The following KCNQ1OT1 variants were observed in gnomAD, a reference collection of about 807,000 sequenced individuals.
KCNQ1OT1 encodes the protein KCNQ1 opposite strand/antisense transcript 1, also known as KCNQ1 antisense RNA 2 (non-protein coding).
exon 1 of KCNQ1OT1, chr11:2,638,944 C>T (rs569500979): frequency 6.6e-6 from 1 of 152,328 alleles, no homozygotes; most frequent in African/African-American, 2.4e-5. Flanking sequence ...AACTTCTCTT[C>T]TCACTTCATT....
chr11:2,640,500 G>T, exon 1 of KCNQ1OT1: 1 of 397,848 alleles, frequency 2.5e-6, no homozygotes, highest in South Asian at 1.3e-4. Flanking sequence ...TGCCCAGGCT[G>T]GTCTTGAATT....
Position 2,682,916 on chromosome 11 carries a change from G to C in KCNQ1OT1, n.17079C>G, listed in dbSNP as rs1850422901. On this transcript the variant is annotated non_coding_transcript_exon_variant, in exon 1 of 1. Coordinates refer to ENST00000597346, the Ensembl canonical transcript of KCNQ1OT1. This position sits in a 1 kb window ranked among gnomAD's most constrained non-coding sequence, Gnocchi z 5.8. ...CCCAGACAGAAAATGGTGGCACCTGGAGAGGTGCTCAGGTCTGTGTGGAAG... is the reference window on the plus strand; with the variant it reads ...CCCAGACAGAAAATGGTGGCACCTGCAGAGGTGCTCAGGTCTGTGTGGAAG... 7.0e-5 allele frequency: 28 copies of C among 398,662 alleles called. No homozygotes were observed. The East Asian group carries it at 1.0e-3, about 14-fold the overall frequency. The allele number at this position is 398,662 out of a possible 1,614,324, so 24.7% of individuals were successfully genotyped here.
exon 1 of KCNQ1OT1, chr11:2,655,250 C>G: frequency 2.5e-6 from 1 of 398,648 alleles, no homozygotes; most frequent in Non-Finnish European, 4.4e-6. Flanking sequence ...CCATCCCAGA[C>G]CTCCCACTTT....
chr11:2,666,728 A>G (rs1341224530), exon 1 of KCNQ1OT1: 4 of 398,672 alleles, frequency 1.0e-5, no homozygotes, highest in Non-Finnish European at 1.3e-5. Context: ...CTACTCCCAC[A>G]GACCCCAGGG....
At chr11:2,634,751 C>G (rs1205527267) in exon 1 of KCNQ1OT1, 2 of 152,222 alleles carry the variant, frequency 1.3e-5, no homozygotes, top group African/African-American at 4.8e-5. Context: ...TGAGGAATCA[C>G]CACACTGTCT....
At position 2,695,693 on chromosome 11, in the gene KCNQ1OT1, C is replaced by T. The variant is rs549237737; in HGVS notation, n.4302G>A. The stretch of plus-strand genomic sequence containing the variant: ...AGAAGTGTTGGCCAGCTCTTCAGAA[C>T]GTCTGTGCCTGTCTCCGTCCCCACC... On this transcript the variant is annotated non_coding_transcript_exon_variant, in exon 1 of 1. Coordinates refer to ENST00000597346, the Ensembl canonical transcript of KCNQ1OT1. This position sits in a 1 kb window ranked among gnomAD's most constrained non-coding sequence, Gnocchi z 5.2. 6 of 398,530 alleles carry T rather than the reference C, an allele frequency of 1.5e-5. No homozygotes were observed. The highest frequency in any genetic ancestry group is 6.2e-5 in the African/African-American group (3 of 48,630). The allele number at this position is 398,530 out of a possible 1,614,324, so 24.7% of individuals were successfully genotyped here.
exon 1 of KCNQ1OT1, chr11:2,662,772 C>T (rs900403676): frequency 3.0e-5 from 12 of 399,190 alleles, no homozygotes; most frequent in African/African-American, 2.3e-4. Flanking sequence ...GTTGGGGATT[C>T]CCCTTGATAA....
At chr11:2,680,692 A>T in exon 1 of KCNQ1OT1, 1 of 398,440 alleles carries the variant, frequency 2.5e-6, no homozygotes. Flanking sequence ...AGAATCCCTC[A>T]TGTCCCCCTT....
At chr11:2,667,614 T>C (rs975884442) in exon 1 of KCNQ1OT1, 1 of 398,508 alleles carries the variant, frequency 2.5e-6, no homozygotes, top group African/African-American at 2.1e-5. Context: ...ACATCCCATA[T>C]AGATCTCTTG....
Position 2,653,206 on chromosome 11 carries a change from G to A in KCNQ1OT1, n.46789C>T, listed in dbSNP as rs231347. The A allele has an allele frequency of 0.12, 46,082 of 398,690 alleles. 2,794 individuals are homozygous for A. The highest frequency in any genetic ancestry group is 0.16 in the Middle Eastern group (256 of 1,592). The allele number at this position is 398,690 out of a possible 1,614,324, so 24.7% of individuals were successfully genotyped here. On this transcript the variant is annotated non_coding_transcript_exon_variant, in exon 1 of 1. Transcript: ENST00000597346. This position sits in a 1 kb window ranked among gnomAD's most constrained non-coding sequence, Gnocchi z 5.3. ...AGTTCCCTGTGCTGTTGCAGGGCTAGGGCCAGGGCCTTGGCCTCAGGCCAG... is the reference window on the plus strand; with the variant it reads ...AGTTCCCTGTGCTGTTGCAGGGCTAAGGCCAGGGCCTTGGCCTCAGGCCAG...
Position 2,693,944 on chromosome 11 carries a change from T to C in KCNQ1OT1, n.6051A>G, listed in dbSNP as rs371704240. 5.3e-5 allele frequency: 21 copies of C among 398,698 alleles called. 2 individuals are homozygous for C. Among genetic ancestry groups the C allele is most frequent in the African/African-American group, 3.7e-4 (18 of 48,740 alleles). 24.7% of individuals were successfully genotyped at this position (398,698 alleles called of 1,614,324 possible). A position where few individuals can be genotyped will look rare whatever the true frequency, so the allele number is the denominator to read the frequency against. The stretch of plus-strand genomic sequence containing the variant: ...GGATCCGGTATCCGCTGAGAACCAC[T>C]CATTCATCAGTCTGCACTAACTGGA... On this transcript the variant is annotated non_coding_transcript_exon_variant, in exon 1 of 1. Coordinates refer to ENST00000597346, the Ensembl canonical transcript of KCNQ1OT1.
rs1334411474 is a variant in KCNQ1OT1, at chr11:2,608,517, C to A, written n.91478G>T. On this transcript the variant is annotated non_coding_transcript_exon_variant, in exon 1 of 1. Transcript: ENST00000597346. This position sits in a 1 kb window ranked among gnomAD's most constrained non-coding sequence, Gnocchi z 4.6. ...GAGAAACAGAGTCTCTCTCTGTTGC[C>A]CAGGCTGGAATAGAGTGGTGTAATC... 6 of 398,288 alleles carry A rather than the reference C, an allele frequency of 1.5e-5. No individual in the cohort carries two copies. Among genetic ancestry groups the A allele is most frequent in the South Asian group, 2.5e-4 (2 of 7,848 alleles). The allele number at this position is 398,288 out of a possible 1,614,324, so 24.7% of individuals were successfully genotyped here.
exon 1 of KCNQ1OT1, chr11:2,655,222 C>T (rs953602568): frequency 1.3e-5 from 5 of 398,520 alleles, no homozygotes; most frequent in African/African-American, 6.2e-5. Flanking sequence ...GTAGTCGCCA[C>T]GCCCGAGGCT....
Position 2,652,578 on chromosome 11 carries a change from G to A in KCNQ1OT1, n.47417C>T. The A allele has an allele frequency of 2.5e-6, 1 of 398,554 alleles. No individual in the cohort carries two copies. Among genetic ancestry groups the A allele is most frequent in the Non-Finnish European group, 4.4e-6 (1 of 226,094 alleles). The allele number at this position is 398,554 out of a possible 1,614,324, so 24.7% of individuals were successfully genotyped here. ...TCCATTGTATATTAAAGTTTCCTAGGGCTGCTCTTGCTGCCTGGAACCTTC... is the reference window on the plus strand; with the variant it reads ...TCCATTGTATATTAAAGTTTCCTAGAGCTGCTCTTGCTGCCTGGAACCTTC... On this transcript the variant is annotated non_coding_transcript_exon_variant, in exon 1 of 1. Coordinates refer to ENST00000597346, the Ensembl canonical transcript of KCNQ1OT1. The surrounding 1 kb of genome is among the most constrained non-coding windows in gnomAD (Gnocchi z 5.9).
chr11:2,686,260 C>T (rs1850487861), exon 1 of KCNQ1OT1: 3 of 398,618 alleles, frequency 7.5e-6, no homozygotes, highest in Admixed American at 4.4e-5. Flanking sequence ...AAATGTCTGC[C>T]ACCCCAGTAC....
exon 1 of KCNQ1OT1, chr11:2,697,562 C>G: frequency 2.5e-6 from 1 of 398,610 alleles, no homozygotes; most frequent in Non-Finnish European, 4.4e-6. Flanking sequence ...GTGTACTCCA[C>G]TACCCCAAAA....
In KCNQ1OT1 at chr11:2,627,614, C is replaced by T; in HGVS notation, n.72381G>A. ...TATCCTCCAGGTTCATCTATGTTGT[C>T]ATAAATTGCATGATTTCCTGCTTTT... On this transcript the variant is annotated non_coding_transcript_exon_variant, in exon 1 of 1. Transcript: ENST00000597346. This position sits in a 1 kb window ranked among gnomAD's most constrained non-coding sequence, Gnocchi z 4.9. 2.5e-6 allele frequency: 1 copy of T among 398,434 alleles called. No homozygotes were observed. Among genetic ancestry groups the T allele is most frequent in the Non-Finnish European group, 4.4e-6 (1 of 226,068 alleles). 24.7% of individuals were successfully genotyped at this position (398,434 alleles called of 1,614,324 possible). A position where few individuals can be genotyped will look rare whatever the true frequency, so the allele number is the denominator to read the frequency against.
rs1850330784 is a variant in KCNQ1OT1, at chr11:2,678,439, C to G, written n.21556G>C. ...TATTTATTTGAGTACATCATCATCTCTCTACTAATTTCAACTGCTACCTTT... is the reference window on the plus strand; with the variant it reads ...TATTTATTTGAGTACATCATCATCTGTCTACTAATTTCAACTGCTACCTTT... On this transcript the variant is annotated non_coding_transcript_exon_variant, in exon 1 of 1. Transcript: ENST00000597346. The surrounding 1 kb of genome is among the most constrained non-coding windows in gnomAD (Gnocchi z 4.9). The G allele has an allele frequency of 2.5e-6, 1 of 398,596 alleles. No homozygotes were observed. Among genetic ancestry groups the G allele is most frequent in the Non-Finnish European group, 4.4e-6 (1 of 226,062 alleles). 24.7% of individuals were successfully genotyped at this position (398,596 alleles called of 1,614,324 possible).
exon 1 of KCNQ1OT1, chr11:2,643,371 T>C (rs1849609297): frequency 2.5e-6 from 1 of 398,420 alleles, no homozygotes; most frequent in Admixed American, 4.4e-5. Context: ...AGAATTGTTA[T>C]ATCCTCTTGG....
Sources: gnomAD v4.1 joint callset for allele counts on GRCh38, gnomAD v4.1.1 for gene constraint, Gnocchi (gnomAD v3.1) non-coding constraint, MANE v1.5 for transcripts, NCBI Gene and HGNC (gene_info 2026-07-23, HGNC 2026-07-21) for gene names.